The following RAB31 variants were observed in gnomAD, a reference collection of about 807,000 sequenced individuals.
RAB31 encodes the protein ras-related protein Rab-31.
A neutral mutation model predicts 25.6 loss-of-function variants in RAB31; 21 were observed. The observed-to-expected ratio is 0.82, with a 90% confidence interval of 0.58 to 1.18. The LOEUF (loss-of-function observed/expected upper bound fraction) is 1.18. Among genes scored for constraint, RAB31 ranks in the 50% most tolerant of loss-of-function variants. The pLI is 0.00. For missense variants in RAB31, 196 were observed against 250.1 expected, an observed-to-expected ratio of 0.78 and a Z score of 1.46; for synonymous variants, 87 against 84.0, an observed-to-expected ratio of 1.04 and a Z score of -0.20.
At chr18:9,855,541 T>C (rs1400816309) in intron 6 of RAB31, among the ~76,000 whole-genome samples, 1 of 152,202 alleles carries the variant, frequency 6.6e-6, no homozygotes, top group Non-Finnish European at 1.5e-5. Flanking sequence ...TCCAAAACCA[T>C]GCCTTTGTGT....
intron 6 of RAB31, among the ~76,000 whole-genome samples, chr18:9,847,850 A>G (rs2068769423): frequency 6.6e-6 from 1 of 152,194 alleles, no homozygotes. Flanking sequence ...CCAGGATTAC[A>G]GGTGTGAGCC....
intron 3 of RAB31, chr18:9,797,340 G>A (rs1164847558): frequency 6.6e-6 from 1 of 152,122 alleles, no homozygotes; most frequent in African/African-American, 2.4e-5. Context: ...TCAATTTTGC[G>A]AATCGCTGGC....
chr18:9,775,144 C>A, intron 1 of RAB31, 134 bp from the exon 2 acceptor site: 1 of 1,380,346 alleles, frequency 7.2e-7, no homozygotes, highest in Non-Finnish European at 9.8e-7. Context: ...GAAAATATCC[C>A]CCCACTCCCT....
At position 9,724,288 on chromosome 18, in the gene RAB31, CA is replaced by C. The variant is rs796963366; in HGVS notation, c.39+15854del. On this transcript the variant is annotated intron_variant, in intron 1 of 6. Transcript: ENST00000578921. ...TCCGTCTCAAAAAAAAAAAAAAAAACAAAAAAAAAACATTATTATTGAAATG... is the reference window on the plus strand; with the variant it reads ...TCCGTCTCAAAAAAAAAAAAAAAAACAAAAAAAAACATTATTATTGAAATG... Among the ~76,000 whole-genome samples the C allele has an allele frequency of 2.4e-4, 11 of 46,654 alleles. No homozygotes were observed. In the East Asian group the frequency reaches 3.5e-3, roughly 15 times the overall value. The allele number at this position is 46,654 out of a possible 152,430, so 30.6% of individuals were successfully genotyped here. A position where few individuals can be genotyped will look rare whatever the true frequency, so the allele number is the denominator to read the frequency against.
chr18:9,801,838 A>T (rs762063576), intron 3 of RAB31, among the ~76,000 whole-genome samples: 1 of 152,176 alleles, frequency 6.6e-6, no homozygotes, highest in Non-Finnish European at 1.5e-5. Context: ...CCTGTGATGC[A>T]TTTGGAGTTA....
chr18:9,759,684 C>G (rs1483522460), intron 1 of RAB31, among the ~76,000 whole-genome samples: 1 of 152,078 alleles, frequency 6.6e-6, no homozygotes, highest in Non-Finnish European at 1.5e-5. Context: ...GAGGTCAAGA[C>G]AGAGAGACAG....
At chr18:9,746,734 C>T (rs1310779949) in intron 1 of RAB31, among the ~76,000 whole-genome samples, 1 of 152,188 alleles carries the variant, frequency 6.6e-6, no homozygotes, top group Non-Finnish European at 1.5e-5. Flanking sequence ...TTAATCCCTA[C>T]TTACACATTT....
At chr18:9,832,856 A>G (rs1301650575) in intron 5 of RAB31, among the ~76,000 whole-genome samples, 1 of 152,212 alleles carries the variant, frequency 6.6e-6, no homozygotes, top group Non-Finnish European at 1.5e-5. Context: ...AAGAACTCAC[A>G]GCGGAAGTCC....
chr18:9,708,595 T>C lies in RAB31; in HGVS notation c.39+151T>C, dbSNP rs2067998566. ...TCCCCCTCGTCCGCGCGCCCCCTGG[T>C]TCCCCGGGTCCCCCTGGCTCCCCTA... On this transcript the variant is annotated intron_variant, in intron 1 of 6. Coordinates refer to ENST00000578921, the MANE Select transcript of RAB31 (RefSeq NM_006868.4). The surrounding 1 kb of genome is among the most constrained non-coding windows in gnomAD (Gnocchi z 6.4). 6.8e-6 allele frequency among the ~76,000 whole-genome samples: 1 copy of C among 147,592 alleles called. No homozygotes were observed. Among genetic ancestry groups the C allele is most frequent in the Admixed American group, 6.7e-5 (1 of 14,954 alleles).
chr18:9,747,428 T>C (rs943074522), intron 1 of RAB31, among the ~76,000 whole-genome samples: 3 of 152,224 alleles, frequency 2.0e-5, no homozygotes, highest in Non-Finnish European at 2.9e-5. Flanking sequence ...CAAATACTTG[T>C]ACATTCATAA....
chr18:9,786,060 G>GAT (rs1599037855), intron 2 of RAB31, among the ~76,000 whole-genome samples: 1 of 125,156 alleles, frequency 8.0e-6, no homozygotes, highest in East Asian at 2.4e-4. Context: ...AAGAAAGAGA[G>GAT]AAAGAGAAAG....
intron 2 of RAB31, 45 bp downstream of exon 2, chr18:9,775,402 G>A (rs1416273526): frequency 1.1e-5 from 18 of 1,611,222 alleles, no homozygotes; most frequent in Middle Eastern, 3.3e-4. Context: ...TTCCTTTCAC[G>A]GCATCAGAAT....
chr18:9,801,533 G>A (rs756637124), intron 3 of RAB31, among the ~76,000 whole-genome samples: 9 of 152,002 alleles, frequency 5.9e-5, no homozygotes, highest in African/African-American at 1.9e-4. Flanking sequence ...CACCGGCCTC[G>A]GCCTCCCAAA....
intron 1 of RAB31, among the ~76,000 whole-genome samples, chr18:9,759,038 A>G (rs913828804): frequency 1.3e-5 from 2 of 152,024 alleles, no homozygotes; most frequent in African/African-American, 4.8e-5. Flanking sequence ...GAGATGGAGA[A>G]GCAGTAGTAG....
At position 9,806,280 on chromosome 18, in the gene RAB31, T is replaced by C. The variant is rs533953793; in HGVS notation, c.202-7740T>C. On this transcript the variant is annotated intron_variant, in intron 3 of 6. Coordinates refer to ENST00000578921, the MANE Select transcript of RAB31 (RefSeq NM_006868.4). ...CAGGAACAACTCTGTCTTCTCTCCCTGGTTTCACAGGGTTATTGACTTTTA... is the reference window on the plus strand; with the variant it reads ...CAGGAACAACTCTGTCTTCTCTCCCCGGTTTCACAGGGTTATTGACTTTTA... Among the ~76,000 whole-genome samples, 191 of 152,364 alleles carry C rather than the reference T, an allele frequency of 1.3e-3. 2 individuals carry two copies. Among genetic ancestry groups the C allele is most frequent in the African/African-American group, 4.3e-3 (179 of 41,584 alleles).
intron 3 of RAB31, among the ~76,000 whole-genome samples, chr18:9,803,560 T>A (rs749308377): frequency 1.3e-5 from 2 of 151,814 alleles, no homozygotes; most frequent in African/African-American, 2.4e-5. Context: ...AACTGAGTGA[T>A]GATTGTGTGG....
intron 1 of RAB31, among the ~76,000 whole-genome samples, chr18:9,761,714 G>C (rs376842639): frequency 1.0e-3 from 158 of 152,318 alleles, no homozygotes; most frequent in African/African-American, 3.7e-3. Flanking sequence ...TCCCTGCCTT[G>C]CGTCCTCTTC....
intron 1 of RAB31, among the ~76,000 whole-genome samples, chr18:9,730,282 C>T (rs574721656): frequency 1.1e-4 from 16 of 143,470 alleles, no homozygotes; most frequent in Middle Eastern, 3.8e-3. Flanking sequence ...TCGAGCCTCA[C>T]CTTATCTTTT....
In RAB31 at chr18:9,812,889, G is replaced by A. The variant is rs184785309; in HGVS notation, c.202-1131G>A. ...ATTTTTGTATTTTTAGTTGAGACGG[G>A]TTTCACCATATTGGCCAGGCTGTTC... On this transcript the variant is annotated intron_variant, in intron 3 of 6. Coordinates refer to ENST00000578921, the MANE Select transcript of RAB31 (RefSeq NM_006868.4). 2.0e-5 allele frequency among the ~76,000 whole-genome samples: 3 copies of A among 151,756 alleles called. No homozygotes were observed. In the East Asian group the frequency reaches 5.8e-4, roughly 29 times the overall value.
Sources: allele counts gnomAD v4.1 joint callset (sites outside exome capture counted in the v4.1 genomes callset), GRCh38; gene constraint gnomAD v4.1.1; non-coding constraint Gnocchi (gnomAD v3.1); transcripts MANE v1.5; gene names NCBI Gene and HGNC (gene_info 2026-07-23, HGNC 2026-07-21).